The following BRIP1 variants were observed in gnomAD, a reference collection of about 807,000 sequenced individuals.
BRIP1 encodes the protein BRCA1 interacting DNA helicase 1.
In BRIP1, 88 loss-of-function variants were observed where a neutral mutation model predicts 119.7. That is an observed-to-expected ratio of 0.74 (90% confidence interval 0.62 to 0.88). The LOEUF (loss-of-function observed/expected upper bound fraction) is 0.88. Ranked by LOEUF, BRIP1 falls within the 40% of genes least tolerant of loss-of-function variation. The pLI is 0.00. For missense variants in BRIP1, 1,259 were observed against 1,455.4 expected (o/e 0.87, Z 2.20); for synonymous variants, 443 against 496.5 (o/e 0.89, Z 1.43).
rs2078204531 is a variant in BRIP1, at chr17:61,814,167, G to GGAA, written c.628-5413_628-5411dup. On this transcript the variant is annotated intron_variant, in intron 6 of 19. Coordinates refer to ENST00000259008, the MANE Select transcript of BRIP1 (RefSeq NM_032043.3). This position sits in a 1 kb window ranked among gnomAD's most constrained non-coding sequence, Gnocchi z 4.9. ...AGGCTATATGGTCTCTTCTTCCATA[G>GGAA]GAAGATATCTTTTATGATCGAAATG... 6.6e-6 allele frequency among the ~76,000 whole-genome samples: 1 copy of GGAA among 151,964 alleles called. No individual in the cohort carries two copies.
At position 61,742,933 on chromosome 17, in the gene BRIP1, A is replaced by C; in HGVS notation, c.2379+80T>G. 6.4e-7 allele frequency: 1 copy of C among 1,561,966 alleles called. No individual in the cohort carries two copies. The highest frequency in any genetic ancestry group is 8.8e-7 in the Non-Finnish European group (1 of 1,134,644). ...AGCACTATAAAAGCAAAGCGCAATA[A>C]AATGAGGGATCCCTGCAATTAACTT... On this transcript the variant is annotated intron_variant, in intron 16 of 19. Coordinates refer to ENST00000259008, the MANE Select transcript of BRIP1 (RefSeq NM_032043.3). The surrounding 1 kb of genome is among the most constrained non-coding windows in gnomAD (Gnocchi z 4.7).
rs1485465126 is a variant in BRIP1, at chr17:61,757,770, C to T, written c.2098-13179G>A. 1.3e-5 allele frequency among the ~76,000 whole-genome samples: 2 copies of T among 152,018 alleles called. No individual in the cohort carries two copies. Among genetic ancestry groups the T allele is most frequent in the Non-Finnish European group, 2.9e-5 (2 of 67,986 alleles). ...ATCCCAGCACTTTGGGAGGCCAAGG[C>T]AGACAGATCTCTTGAGCTCAGGATT... is the stretch of plus-strand genomic sequence containing the variant. On this transcript the variant is annotated intron_variant, in intron 14 of 19. Transcript: ENST00000259008. The surrounding 1 kb of genome is among the most constrained non-coding windows in gnomAD (Gnocchi z 4.3).
In BRIP1 at chr17:61,793,990, C is replaced by T. The variant is rs763112918; in HGVS notation, c.1341-261G>A. On this transcript the variant is annotated intron_variant, in intron 9 of 19. Transcript: ENST00000259008. The surrounding 1 kb of genome is among the most constrained non-coding windows in gnomAD (Gnocchi z 5.2). ...ATTTCCCACTTGTTTTGTGGATTCA[C>T]ATTGCTTTACTTAGCTAATGTCTCT... Among the ~76,000 whole-genome samples, 14 of 152,142 alleles carry T rather than the reference C, an allele frequency of 9.2e-5. No homozygotes were observed. Among genetic ancestry groups the T allele is most frequent in the Non-Finnish European group, 1.6e-4 (11 of 68,014 alleles).
rs546580899 is a variant in BRIP1, at chr17:61,724,822, G to A, written c.2380-8759C>T. Among the ~76,000 whole-genome samples, 16 of 152,254 alleles carry A rather than the reference G, an allele frequency of 1.1e-4. No individual in the cohort carries two copies. In the South Asian group the frequency reaches 3.1e-3, roughly 30 times the overall value. On this transcript the variant is annotated intron_variant, in intron 16 of 19. Transcript: ENST00000259008. The surrounding 1 kb of genome is among the most constrained non-coding windows in gnomAD (Gnocchi z 5.1). ...CTGCTTCAGAAAAATAAACACATTT[G>A]TCTAGCAAACACTTGAGTAGAACAG...
chr17:61,713,231 GATA>G lies in BRIP1; in HGVS notation c.2492+2717_2492+2719del, dbSNP rs1181498682. On this transcript the variant is annotated intron_variant, in intron 17 of 19. Coordinates refer to ENST00000259008, the MANE Select transcript of BRIP1 (RefSeq NM_032043.3). The surrounding 1 kb of genome is among the most constrained non-coding windows in gnomAD (Gnocchi z 4.9). Reference sequence around the variant, plus strand: ...TGTATGGTATATAATACTTGATAATGATAATAACTGTGTTACTGGTTTGTGTAT... The same window carrying G: ...TGTATGGTATATAATACTTGATAATGATAACTGTGTTACTGGTTTGTGTAT... Among the ~76,000 whole-genome samples, 1 of 152,096 alleles carries G rather than the reference GATA, an allele frequency of 6.6e-6. No individual in the cohort carries two copies. Among genetic ancestry groups the G allele is most frequent in the South Asian group, 2.1e-4 (1 of 4,830 alleles).
At position 61,712,291 on chromosome 17, in the gene BRIP1, G is replaced by T. The variant is rs557348025; in HGVS notation, c.2492+3660C>A. Among the ~76,000 whole-genome samples, 3 of 152,020 alleles carry T rather than the reference G, an allele frequency of 2.0e-5. No homozygotes were observed. The East Asian group carries it at 5.8e-4, about 30-fold the overall frequency. ...TGCAGTGGCGCAATCTTAGCTCAAC[G>T]CAACCTCCACCTACCAGGTTCAAGC... On this transcript the variant is annotated intron_variant, in intron 17 of 19. Transcript: ENST00000259008.
rs958408322 is a variant in BRIP1 at position 61,684,639 on chromosome 17, G to A, written c.2906-499C>T. The A allele has an allele frequency of 1.3e-5, 2 of 152,954 alleles. No individual in the cohort carries two copies. Among genetic ancestry groups the A allele is most frequent in the African/African-American group, 4.8e-5 (2 of 41,340 alleles). The allele number at this position is 152,954 out of a possible 1,614,324, so 9.5% of individuals were successfully genotyped here. ...AGGTTTCCTGATTACCAAGTTAATC[G>A]GCTTGAATTCACTATTTATAGTGAA... On this transcript the variant is annotated intron_variant, in intron 19 of 19. Transcript: ENST00000259008. This position sits in a 1 kb window ranked among gnomAD's most constrained non-coding sequence, Gnocchi z 4.5.
rs1300521446 is a variant in BRIP1, at chr17:61,804,045, C to T, written c.919-2571G>A. Reference sequence around the variant, plus strand: ...AGAATGATTAAATTCATGTAAATTGCTTTTTTAAAGAATATGTGCACATAC... The same window carrying T: ...AGAATGATTAAATTCATGTAAATTGTTTTTTTAAAGAATATGTGCACATAC... On this transcript the variant is annotated intron_variant, in intron 7 of 19. Coordinates refer to ENST00000259008, the MANE Select transcript of BRIP1 (RefSeq NM_032043.3). This position sits in a 1 kb window ranked among gnomAD's most constrained non-coding sequence, Gnocchi z 4.5. Among the ~76,000 whole-genome samples, 1 of 151,940 alleles carries T rather than the reference C, an allele frequency of 6.6e-6. No individual in the cohort carries two copies. The highest frequency in any genetic ancestry group is 1.5e-5 in the Non-Finnish European group (1 of 67,980).
intron 10 of BRIP1, among the ~76,000 whole-genome samples, chr17:61,784,686 G>A (rs1173155360): frequency 1.3e-5 from 2 of 152,188 alleles, no homozygotes; most frequent in Admixed American, 6.5e-5. Context: ...TAGAGAGGGG[G>A]TGAGTTAGTG....
At chr17:61,782,525 A>G (rs1044491877) in intron 11 of BRIP1, among the ~76,000 whole-genome samples, 7 of 152,204 alleles carry the variant, frequency 4.6e-5, no homozygotes, top group African/African-American at 1.7e-4. Context: ...CAACAAGATT[A>G]AAAACCTTTT....
rs1285489645 is a variant in BRIP1 at position 61,862,046 on chromosome 17, T to G, written c.-30-477A>C. 1 of 167,482 alleles carries G rather than the reference T, an allele frequency of 6.0e-6. No individual in the cohort carries two copies. The highest frequency in any genetic ancestry group is 2.4e-5 in the African/African-American group (1 of 41,576). The allele number at this position is 167,482 out of a possible 1,614,324, so 10.4% of individuals were successfully genotyped here. A position where few individuals can be genotyped will look rare whatever the true frequency, so the allele number is the denominator to read the frequency against. ...AGTTCTTCCCCTTTGTGTTACCCCT[T>G]TCTGCAGTCCTCCAGTTAGAAGAAA... On this transcript the variant is annotated intron_variant, in intron 1 of 19. Transcript: ENST00000259008. This position sits in a 1 kb window ranked among gnomAD's most constrained non-coding sequence, Gnocchi z 5.3.
chr17:61,849,646 T>C (rs1232980196), intron 4 of BRIP1, among the ~76,000 whole-genome samples: 3 of 152,246 alleles, frequency 2.0e-5, no homozygotes, highest in Non-Finnish European at 4.4e-5. Context: ...AGCAAAACCA[T>C]TGATTATAGA....
At chr17:61,702,850 AC>A (rs34517825) in intron 17 of BRIP1, among the ~76,000 whole-genome samples, 51,199 of 151,982 alleles carry the variant, frequency 0.34, 8,800 homozygotes, top group East Asian at 0.48. Context: ...GTTGAACAGT[AC>A]TTCTGCTTTA....
At position 61,848,370 on chromosome 17, in the gene BRIP1, C is replaced by T. The variant is rs72843732; in HGVS notation, c.507+759G>A. ...CCTGTAGGGCTCATGCCACCACACC[C>T]GGTCTTTTTTTTTACTTTTTTGTGG... On this transcript the variant is annotated intron_variant, in intron 5 of 19. Coordinates refer to ENST00000259008, the MANE Select transcript of BRIP1 (RefSeq NM_032043.3). This position sits in a 1 kb window ranked among gnomAD's most constrained non-coding sequence, Gnocchi z 4.3. 0.08 allele frequency among the ~76,000 whole-genome samples: 9,923 copies of T among 123,290 alleles called. 582 individuals are homozygous for T. The highest frequency in any genetic ancestry group is 0.33 in the South Asian group (1,420 of 4,364). 80.9% of individuals were successfully genotyped at this position (123,290 alleles called of 152,430 possible). A position where few individuals can be genotyped will look rare whatever the true frequency, so the allele number is the denominator to read the frequency against.
rs377042768 is a variant in BRIP1, at chr17:61,823,771, C to CAT, written c.628-15015_628-15014insAT. Among the ~76,000 whole-genome samples the CAT allele has an allele frequency of 0.19, 28,699 of 151,296 alleles. 3,143 individuals are homozygous for CAT. The highest frequency in any genetic ancestry group is 0.3 in the Admixed American group (4,582 of 15,208). On this transcript the variant is annotated intron_variant, in intron 6 of 19. Coordinates refer to ENST00000259008, the MANE Select transcript of BRIP1 (RefSeq NM_032043.3). This position sits in a 1 kb window ranked among gnomAD's most constrained non-coding sequence, Gnocchi z 4.8. ...AGCACACAATAAACACACACACACA[C>CAT]ACACACACACACACACACACACACA...
chr17:61,788,930 C>CA (rs1237381595), intron 10 of BRIP1, among the ~76,000 whole-genome samples: 2 of 151,752 alleles, frequency 1.3e-5, no homozygotes, highest in Non-Finnish European at 2.9e-5. Context: ...CCCGTCTCTA[C>CA]AAAAAAATAC....
In BRIP1 at chr17:61,846,613, G is replaced by T. The variant is rs530836527; in HGVS notation, c.627+488C>A. ...TGTTGCCCAGGCTGGTTTCAAACTC[G>T]TGAACTCAAGTGATCCACCCGCCTT... On this transcript the variant is annotated intron_variant, in intron 6 of 19. Coordinates refer to ENST00000259008, the MANE Select transcript of BRIP1 (RefSeq NM_032043.3). This position sits in a 1 kb window ranked among gnomAD's most constrained non-coding sequence, Gnocchi z 4.3. Among the ~76,000 whole-genome samples the T allele has an allele frequency of 1.3e-5, 2 of 152,000 alleles. No homozygotes were observed. The highest frequency in any genetic ancestry group is 2.9e-5 in the Non-Finnish European group (2 of 67,978).
chr17:61,683,025 A>C lies in BRIP1; in HGVS notation c.*271T>G. 1 of 410,652 alleles carries C rather than the reference A, an allele frequency of 2.4e-6. No individual in the cohort carries two copies. Among genetic ancestry groups the C allele is most frequent in the Non-Finnish European group, 4.4e-6 (1 of 226,518 alleles). 25.4% of individuals were successfully genotyped at this position (410,652 alleles called of 1,614,324 possible). A position where few individuals can be genotyped will look rare whatever the true frequency, so the allele number is the denominator to read the frequency against. On this transcript the variant is annotated 3_prime_UTR_variant, in exon 20 of 20. Transcript: ENST00000259008. The surrounding 1 kb of genome is among the most constrained non-coding windows in gnomAD (Gnocchi z 4.7). ...TGCACACCTGTAGTCCCAGCTACTC[A>C]GAAGGCTGAGGCAGGAGAATCACTT...
At position 61,806,584 on chromosome 17, in the gene BRIP1, G is replaced by A. The variant is rs1046057745; in HGVS notation, c.918+1883C>T. On this transcript the variant is annotated intron_variant, in intron 7 of 19. Transcript: ENST00000259008. This position sits in a 1 kb window ranked among gnomAD's most constrained non-coding sequence, Gnocchi z 4.9. ...CTTATGAGTAAAGATCAATAAAAAC[G>A]TAACCAGCACTGTAGGATTCTAGGT... Among the ~76,000 whole-genome samples the A allele has an allele frequency of 2.6e-5, 4 of 152,102 alleles. No homozygotes were observed. The highest frequency in any genetic ancestry group is 4.4e-5 in the Non-Finnish European group (3 of 68,010).
Sources: gnomAD v4.1 joint callset for allele counts (sites outside exome capture counted in the v4.1 genomes callset) on GRCh38, gnomAD v4.1.1 for gene constraint, Gnocchi (gnomAD v3.1) non-coding constraint, MANE v1.5 for transcripts, NCBI Gene and HGNC (gene_info 2026-07-23, HGNC 2026-07-21) for gene names.